CCDC18: variants seen among roughly 807,000 people sequenced by gnomAD.
CCDC18 encodes the protein coiled-coil domain-containing protein 18.
A neutral mutation model predicts 196.0 loss-of-function variants in CCDC18; 157 were observed. The ratio of observed to expected loss-of-function variants is 0.80; its 90% CI spans 0.70 to 0.91. CCDC18 has a LOEUF of 0.91. Ranked by LOEUF, CCDC18 falls within the 40% of genes least tolerant of loss-of-function variation. The pLI is 0.00. For synonymous variants in CCDC18, 482 were observed against 529.2 expected (o/e 0.91, Z 1.22); for missense variants, 1,465 against 1,611.6 (o/e 0.91, Z 1.56).
chr1:93,233,711 AC>A (rs1287645042), intron 18 of CCDC18, among the ~76,000 whole-genome samples: 1 of 151,884 alleles, frequency 6.6e-6, no homozygotes, highest in African/African-American at 2.4e-5. Context: ...CGATTCTCCC[AC>A]CTCAGCGACC....
rs143520004 is a variant in CCDC18 at position 93,180,963 on chromosome 1, G to T, written c.-3+111G>T. The stretch of plus-strand genomic sequence containing the variant: ...CTTTCCCTCCCGGCACCTTGGATGC[G>T]CTGGGACTGGTCCTCGTGGTTGCTG... On this transcript the variant is annotated intron_variant, in intron 1 of 28. Transcript: ENST00000690025. 11 of 1,040,068 alleles carry T rather than the reference G, an allele frequency of 1.1e-5. No homozygotes were observed. In the African/African-American group the frequency reaches 1.8e-4, roughly 17 times the overall value. The allele number at this position is 1,040,068 out of a possible 1,614,324, so 64.4% of individuals were successfully genotyped here. A position where few individuals can be genotyped will look rare whatever the true frequency, so the allele number is the denominator to read the frequency against.
chr1:93,267,305 G>T (rs921007264), intron 27 of CCDC18, among the ~76,000 whole-genome samples: 5 of 152,128 alleles, frequency 3.3e-5, no homozygotes, highest in African/African-American at 1.2e-4. Flanking sequence ...AATAATAAGA[G>T]CTATTTATTA....
rs750459605 is a variant in CCDC18 at position 93,232,430 on chromosome 1, A to T, written c.2297A>T (p.Tyr766Phe). 1.3e-6 allele frequency: 2 copies of T among 1,574,964 alleles called. No homozygotes were observed. The highest frequency in any genetic ancestry group is 1.7e-6 in the Non-Finnish European group (2 of 1,153,332). Residue 766 changes from tyrosine to phenylalanine, a missense_variant, in exon 18 of 29, where the codon TAT becomes TTT. Tyr to Phe is a conservative substitution (Grantham distance 22, BLOSUM62 3). Coordinates refer to ENST00000690025, the MANE Select transcript of CCDC18 (RefSeq NM_001378204.1). Reference sequence around the variant, plus strand: ...ATATATATATATATTTGCCAGGTATATTGTTTACAGAAAGAGCTAAAGATA... The same window carrying T: ...ATATATATATATATTTGCCAGGTATTTTGTTTACAGAAAGAGCTAAAGATA... ...KQLKKKSEEV[Y>F]CLQKELKIKN... is the part of the protein sequence containing the mutation.
chr1:93,247,827 C>T (rs1034189308), intron 23 of CCDC18, among the ~76,000 whole-genome samples: 1 of 151,906 alleles, frequency 6.6e-6, no homozygotes, highest in African/African-American at 2.4e-5. Flanking sequence ...ATTTGGATGC[C>T]CTTTCTTTCT....
At chr1:93,189,673 T>G (rs1283920096) in intron 4 of CCDC18, among the ~76,000 whole-genome samples, 1 of 152,130 alleles carries the variant, frequency 6.6e-6, no homozygotes, top group Non-Finnish European at 1.5e-5. Flanking sequence ...GTTTTTTTGT[T>G]TTTTTTTGAG....
rs1305349142 is a variant in CCDC18, at chr1:93,278,534, CTTA to C, written c.*62_*64del. ...GGAATTTTTGGTACTGTGCTGTTTA[CTTA>C]TTATATGTAGCTCATACTTCATAGA... On this transcript the variant is annotated 3_prime_UTR_variant, in exon 29 of 29. Coordinates refer to ENST00000690025, the MANE Select transcript of CCDC18 (RefSeq NM_001378204.1). 1.5e-5 allele frequency: 14 copies of C among 953,406 alleles called. No individual in the cohort carries two copies. Among genetic ancestry groups the C allele is most frequent in the East Asian group, 5.8e-5 (2 of 34,734 alleles). The allele number at this position is 953,406 out of a possible 1,614,324, so 59.1% of individuals were successfully genotyped here.
intron 12 of CCDC18, 77 bp from the exon 13 acceptor site, chr1:93,216,559 G>A (rs1557640492): frequency 1.6e-6 from 1 of 644,786 alleles, no homozygotes; most frequent in South Asian, 2.2e-5. Flanking sequence ...TTTGAAAGAG[G>A]AGCAGGTGTT....
intron 23 of CCDC18, among the ~76,000 whole-genome samples, chr1:93,250,069 T>C (rs12736355): frequency 3.6e-4 from 54 of 152,100 alleles, no homozygotes; most frequent in Non-Finnish European, 6.9e-4. Context: ...TATTCCATAG[T>C]GGTTAGATAA....
At chr1:93,264,633 A>C (rs1231570748) in intron 26 of CCDC18, 68 bp from the exon 27 acceptor site, 2 of 877,236 alleles carry the variant, frequency 2.3e-6, no homozygotes, top group Non-Finnish European at 3.7e-6. Context: ...AAAGCATTAG[A>C]CTGTTGTCGA....
At chr1:93,195,707 G>T (rs1163002745) in intron 6 of CCDC18, among the ~76,000 whole-genome samples, 3 of 152,126 alleles carry the variant, frequency 2.0e-5, no homozygotes, top group Non-Finnish European at 4.4e-5. Context: ...CTCCTTGGAG[G>T]ATGTAGCATT....
At chr1:93,216,011 A>G (rs1328333782) in intron 12 of CCDC18, among the ~76,000 whole-genome samples, 1 of 152,246 alleles carries the variant, frequency 6.6e-6, no homozygotes, top group Non-Finnish European at 1.5e-5. Flanking sequence ...ATCTATAGGT[A>G]CACTTTTTAA....
chr1:93,252,771 C>G (rs1662438365), intron 23 of CCDC18, among the ~76,000 whole-genome samples: 1 of 152,182 alleles, frequency 6.6e-6, no homozygotes, highest in South Asian at 2.1e-4. Flanking sequence ...TTTTGGGAGG[C>G]CCTTCCAGGA....
intron 28 of CCDC18, among the ~76,000 whole-genome samples, chr1:93,276,634 T>G (rs963551274): frequency 1.3e-5 from 2 of 152,108 alleles, no homozygotes; most frequent in African/African-American, 4.8e-5. Flanking sequence ...AGGTAATACC[T>G]AGAGACATGA....
At position 93,210,927 on chromosome 1, in the gene CCDC18, G is replaced by A. The variant is rs1570368130; in HGVS notation, c.1334+1G>A. On this transcript the variant is annotated splice_donor_variant, in intron 10 of 28. Coordinates refer to ENST00000690025, the MANE Select transcript of CCDC18 (RefSeq NM_001378204.1). LOFTEE classifies it high-confidence loss of function. ...ATAAATTGGTGATTTCGGAATTGAGGTACAATTTTCAGATTCTGCAGTTAT... is the reference window on the plus strand; with the variant it reads ...ATAAATTGGTGATTTCGGAATTGAGATACAATTTTCAGATTCTGCAGTTAT... 6.2e-7 allele frequency: 1 copy of A among 1,613,110 alleles called. No individual in the cohort carries two copies. Among genetic ancestry groups the A allele is most frequent in the East Asian group, 2.2e-5 (1 of 44,812 alleles).
intron 21 of CCDC18, among the ~76,000 whole-genome samples, chr1:93,245,153 T>G (rs554431321): frequency 8.5e-5 from 13 of 152,312 alleles, no homozygotes; most frequent in Non-Finnish European, 1.9e-4. Flanking sequence ...AAACATCCAG[T>G]AAATATTTGC....
At chr1:93,229,421 GCA>G (rs1188095637) in intron 17 of CCDC18, among the ~76,000 whole-genome samples, 2 of 152,202 alleles carry the variant, frequency 1.3e-5, no homozygotes, top group Non-Finnish European at 2.9e-5. Flanking sequence ...CCTTGTAACA[GCA>G]GAGTTGTGAA....
intron 3 of CCDC18, among the ~76,000 whole-genome samples, chr1:93,185,124 T>A (rs984527581): frequency 6.6e-6 from 1 of 151,904 alleles, no homozygotes; most frequent in Non-Finnish European, 1.5e-5. Context: ...TGAAAAGGTG[T>A]CCAATTTCAC....
In CCDC18 at chr1:93,207,130, A is replaced by G. The variant is rs746395924; in HGVS notation, c.941A>G (p.Asn314Ser). The change falls in exon 9 of 29, where the codon AAC (asparagine) becomes AGC (serine). Residue 314 changes from asparagine (N) to serine (S), a missense_variant. Coordinates refer to ENST00000690025, the MANE Select transcript of CCDC18 (RefSeq NM_001378204.1). ...AGGCAGTTAAAAGAAGAAAATAACA[A>G]CGGAAAAGAAAAATTAAGGATCATG... is the stretch of plus-strand genomic sequence containing the variant. The part of the protein sequence containing the change: ...KLRQLKEENN[N>S]GKEKLRIMAV... 1.3e-6 allele frequency: 2 copies of G among 1,525,976 alleles called. No individual in the cohort carries two copies. The highest frequency in any genetic ancestry group is 1.3e-5 in the South Asian group (1 of 78,478). The allele number at this position is 1,525,976 out of a possible 1,614,324, so 94.5% of individuals were successfully genotyped here. A position where few individuals can be genotyped will look rare whatever the true frequency, so the allele number is the denominator to read the frequency against.
chr1:93,211,763 T>G (rs904689527), intron 10 of CCDC18, among the ~76,000 whole-genome samples: 1 of 152,182 alleles, frequency 6.6e-6, no homozygotes, highest in Non-Finnish European at 1.5e-5. Flanking sequence ...ATCTTGTTTC[T>G]GTTTTCTGTT....
Sources: allele counts gnomAD v4.1 joint callset (sites outside exome capture counted in the v4.1 genomes callset), GRCh38; gene constraint gnomAD v4.1.1; transcripts MANE v1.5; gene names NCBI Gene and HGNC (gene_info 2026-07-23, HGNC 2026-07-21).